SAMMSON: variants seen among roughly 807,000 people sequenced by gnomAD.
SAMMSON encodes long intergenic non-protein coding RNA 1212.
intron 2 of SAMMSON, among the ~76,000 whole-genome samples, chr3:70,395,702 C>T (rs1480194914): frequency 6.6e-6 from 1 of 151,972 alleles, no homozygotes; most frequent in Non-Finnish European, 1.5e-5. Flanking sequence ...GTGGCAGGGA[C>T]AGTCACGTAA....
chr3:70,058,897 G>A (rs2067177582), intron 3 of SAMMSON, among the ~76,000 whole-genome samples: 1 of 152,074 alleles, frequency 6.6e-6, no homozygotes, highest in African/African-American at 2.4e-5. Flanking sequence ...ATTCAGATTT[G>A]TATCTAGTTT....
chr3:70,432,640 T>A (rs1701423608), intron 2 of SAMMSON, among the ~76,000 whole-genome samples: 1 of 152,062 alleles, frequency 6.6e-6, no homozygotes, highest in Non-Finnish European at 1.5e-5. Context: ...TTAAAACTGA[T>A]GAGCCAATAT....
At chr3:70,272,433 A>G (rs1370447204) in intron 6 of SAMMSON, 2 of 152,216 alleles carry the variant, frequency 1.3e-5, no homozygotes, top group African/African-American at 4.8e-5. Context: ...CGTGTTGTTG[A>G]GTTCATTCAT....
chr3:70,016,755 A>G (rs1001261839), intron 3 of SAMMSON, among the ~76,000 whole-genome samples: 1 of 152,166 alleles, frequency 6.6e-6, no homozygotes, highest in African/African-American at 2.4e-5. Flanking sequence ...TCTTGAATTA[A>G]TTTTTGTATA....
chr3:70,092,559 T>C (rs17786402), intron 4 of SAMMSON, among the ~76,000 whole-genome samples: 3,896 of 152,134 alleles, frequency 0.026, 80 homozygotes, highest in Non-Finnish European at 0.039. Flanking sequence ...TGCTTTGTAC[T>C]GTTTAATTTA....
chr3:70,084,128 G>A (rs767877164), intron 4 of SAMMSON, among the ~76,000 whole-genome samples: 6 of 152,124 alleles, frequency 3.9e-5, no homozygotes, highest in Non-Finnish European at 5.9e-5. Context: ...ACATCAGGAT[G>A]CCCATCACAC....
At chr3:70,406,616 A>G (rs1701180303) in intron 2 of SAMMSON, among the ~76,000 whole-genome samples, 1 of 152,234 alleles carries the variant, frequency 6.6e-6, no homozygotes, top group Admixed American at 6.5e-5. Context: ...GGAAAGTTTT[A>G]TATTATACAT....
At chr3:70,244,722 A>T (rs943302452) in intron 4 of SAMMSON, among the ~76,000 whole-genome samples, 7 of 152,208 alleles carry the variant, frequency 4.6e-5, no homozygotes, top group Non-Finnish European at 1.0e-4. Context: ...AGGCTGAATC[A>T]TTATGCTCTT....
At chr3:70,030,544 AT>A (rs1281434200) in intron 3 of SAMMSON, 3 of 152,184 alleles carry the variant, frequency 2.0e-5, no homozygotes, top group Non-Finnish European at 4.4e-5. Flanking sequence ...TATGTCTGAC[AT>A]CAGTATCCTG....
At chr3:70,143,714 T>C (rs2067537126) in intron 4 of SAMMSON, among the ~76,000 whole-genome samples, 1 of 152,148 alleles carries the variant, frequency 6.6e-6, no homozygotes, top group South Asian at 2.1e-4. Context: ...CTTGTAGTCC[T>C]TCAAGTCAAA....
intron 6 of SAMMSON, among the ~76,000 whole-genome samples, chr3:70,261,914 C>A (rs1344075532): frequency 2.0e-5 from 3 of 152,060 alleles, no homozygotes; most frequent in Non-Finnish European, 4.4e-5. Context: ...TGTTTCATAC[C>A]TTACCATAAA....
At chr3:70,144,394 C>A (rs2067539824) in intron 4 of SAMMSON, among the ~76,000 whole-genome samples, 1 of 152,044 alleles carries the variant, frequency 6.6e-6, no homozygotes, top group South Asian at 2.1e-4. Flanking sequence ...AGGTCTATTT[C>A]TTTCTGAATG....
chr3:70,131,681 A>G (rs972427651), intron 4 of SAMMSON, among the ~76,000 whole-genome samples: 3 of 152,070 alleles, frequency 2.0e-5, no homozygotes, highest in Non-Finnish European at 4.4e-5. Flanking sequence ...CCTAAACTCA[A>G]ACGATTCTCT....
chr3:70,405,524 A>G (rs116658119), intron 2 of SAMMSON, among the ~76,000 whole-genome samples: 3,436 of 152,266 alleles, frequency 0.023, 126 homozygotes, highest in African/African-American at 0.077. Flanking sequence ...ACCAAATGGA[A>G]CTTCTAGAGA....
chr3:70,266,825 A>C (rs1360141133), intron 6 of SAMMSON, among the ~76,000 whole-genome samples: 1 of 152,256 alleles, frequency 6.6e-6, no homozygotes. Context: ...ATATCAGTCC[A>C]GAAGGTACAC....
chr3:70,399,576 C>T (rs1701121991), intron 2 of SAMMSON, among the ~76,000 whole-genome samples: 1 of 152,034 alleles, frequency 6.6e-6, no homozygotes, highest in African/African-American at 2.4e-5. Context: ...ATAAAAAACA[C>T]TTTCATGGGC....
At chr3:70,189,362 C>T (rs1351404041) in intron 4 of SAMMSON, among the ~76,000 whole-genome samples, 4 of 152,178 alleles carry the variant, frequency 2.6e-5, no homozygotes, top group African/African-American at 9.7e-5. Context: ...ATAATATATA[C>T]ACTAAGTTCT....
intron 3 of SAMMSON, among the ~76,000 whole-genome samples, chr3:70,040,418 G>C (rs2067102053): frequency 6.6e-6 from 1 of 152,146 alleles, no homozygotes; most frequent in African/African-American, 2.4e-5. Flanking sequence ...GGAAACAAAG[G>C]AGCTAATGTT....
At chr3:70,353,261 A>C (rs1243421977) in intron 7 of SAMMSON, among the ~76,000 whole-genome samples, 1 of 152,040 alleles carries the variant, frequency 6.6e-6, no homozygotes. Flanking sequence ...ATAAAAGAAA[A>C]AACTTTTCTC....
Sources: allele counts gnomAD v4.1 joint callset (sites outside exome capture counted in the v4.1 genomes callset), GRCh38; gene constraint gnomAD v4.1.1; transcripts MANE v1.5; gene names NCBI Gene and HGNC (gene_info 2026-07-23, HGNC 2026-07-21).